Variants in EPHA3 observed in about 807,000 individuals in gnomAD.
EPHA3 encodes the protein EPH receptor A3, also known as ephrin type-A receptor 3.
A neutral mutation model predicts 107.1 loss-of-function variants in EPHA3; 42 were observed. The ratio of observed to expected loss-of-function variants is 0.39; its 90% CI spans 0.31 to 0.51. The LOEUF is 0.51. Among genes scored for constraint, EPHA3 ranks in the 20% least tolerant of loss-of-function variants. The pLI is 0.78. For synonymous variants in EPHA3, 461 were observed against 424.8 expected, an observed-to-expected ratio of 1.09 and a Z score of -1.05; for missense variants, 1,183 against 1,211.2, an observed-to-expected ratio of 0.98 and a Z score of 0.35.
At position 89,428,285 on chromosome 3, in the gene EPHA3, T is replaced by C. The variant is rs1161071154; in HGVS notation, c.2075-821T>C. The stretch of plus-strand genomic sequence containing the variant: ...GATGTATGATGACCAGCAAGTTAAT[T>C]AGCCTCTGTGTCTCAGTTTTCTCAT... On this transcript the variant is annotated intron_variant, in intron 11 of 16. Coordinates refer to ENST00000336596, the MANE Select transcript of EPHA3 (RefSeq NM_005233.6). 9.9e-5 allele frequency among the ~76,000 whole-genome samples: 15 copies of C among 152,048 alleles called. 1 individual carries two copies. Among genetic ancestry groups the C allele is most frequent in the Non-Finnish European group, 1.5e-5 (1 of 67,968 alleles).
At chr3:89,400,879 A>AAG (rs200976188) in intron 7 of EPHA3, among the ~76,000 whole-genome samples, 3,001 of 152,280 alleles carry the variant, frequency 0.02, 43 homozygotes, top group Non-Finnish European at 0.033. Context: ...GTAGCCTAGA[A>AAG]AGATGAGCAA....
intron 11 of EPHA3, among the ~76,000 whole-genome samples, chr3:89,420,868 T>TGAA (rs1709340588): frequency 6.6e-6 from 1 of 151,554 alleles, no homozygotes; most frequent in Non-Finnish European, 1.5e-5. Flanking sequence ...TTTTTCATTA[T>TGAA]GAAGTATCTG....
intron 2 of EPHA3, among the ~76,000 whole-genome samples, chr3:89,148,652 TA>T (rs2107036367): frequency 6.6e-6 from 1 of 152,064 alleles, no homozygotes; most frequent in Non-Finnish European, 1.5e-5. Flanking sequence ...TTCAGAATAA[TA>T]AAACAAAAAT....
chr3:89,306,858 G>A (rs1007983127), intron 3 of EPHA3, among the ~76,000 whole-genome samples: 15 of 152,098 alleles, frequency 9.9e-5, no homozygotes, highest in African/African-American at 2.9e-4. Context: ...TTGGTCCTTC[G>A]AATTGGATAT....
intron 11 of EPHA3, among the ~76,000 whole-genome samples, chr3:89,421,541 A>T (rs997094513): frequency 4.0e-5 from 6 of 151,276 alleles, no homozygotes; most frequent in African/African-American, 9.7e-5. Context: ...CTTCTTCAAC[A>T]TGTGTAATTA....
chr3:89,280,653 T>C (rs1479528049), intron 3 of EPHA3, among the ~76,000 whole-genome samples: 1 of 152,204 alleles, frequency 6.6e-6, no homozygotes, highest in African/African-American at 2.4e-5. Flanking sequence ...ATCTGCACTG[T>C]ATTTATGCAT....
intron 3 of EPHA3, among the ~76,000 whole-genome samples, chr3:89,269,606 T>C (rs1354074787): frequency 2.0e-5 from 3 of 151,336 alleles, no homozygotes; most frequent in Admixed American, 1.3e-4. Flanking sequence ...TTTTTTTCTT[T>C]CTTTTTTTTT....
chr3:89,377,305 A>G lies in EPHA3; in HGVS notation c.1307-18532A>G, dbSNP rs181577586. ...TTTATATTGAACACAAATGTTATGGAAGATTCATTTCATATGTACCCATTT... is the reference window on the plus strand; with the variant it reads ...TTTATATTGAACACAAATGTTATGGGAGATTCATTTCATATGTACCCATTT... On this transcript the variant is annotated intron_variant, in intron 5 of 16. Transcript: ENST00000336596. Among the ~76,000 whole-genome samples the G allele has an allele frequency of 2.6e-5, 4 of 152,232 alleles. No individual in the cohort carries two copies. The East Asian group carries it at 5.8e-4, about 22-fold the overall frequency.
At chr3:89,191,289 TA>T (rs1349088047) in intron 2 of EPHA3, among the ~76,000 whole-genome samples, 2 of 148,662 alleles carry the variant, frequency 1.3e-5, no homozygotes, top group East Asian at 2.0e-4. Flanking sequence ...TTTTTATTTT[TA>T]TTTTTTTAAT....
chr3:89,308,749 G>A (rs1415780080), intron 3 of EPHA3, among the ~76,000 whole-genome samples: 3 of 152,038 alleles, frequency 2.0e-5, no homozygotes, highest in African/African-American at 7.2e-5. Context: ...TTTTGAAATA[G>A]TGGAAAGGTT....
chr3:89,305,758 G>A (rs767465837), intron 3 of EPHA3, among the ~76,000 whole-genome samples: 3 of 152,010 alleles, frequency 2.0e-5, no homozygotes, highest in South Asian at 2.1e-4. Context: ...CCAGTCTCCC[G>A]ACTATGTGCG....
intron 2 of EPHA3, among the ~76,000 whole-genome samples, chr3:89,136,005 T>G (rs1188254387): frequency 1.3e-5 from 2 of 152,178 alleles, no homozygotes; most frequent in Non-Finnish European, 2.9e-5. Context: ...TTGGGAAGTT[T>G]GGGTTCTAAA....
intron 3 of EPHA3, among the ~76,000 whole-genome samples, chr3:89,333,825 T>G (rs1476567569): frequency 6.6e-6 from 1 of 151,660 alleles, no homozygotes; most frequent in African/African-American, 2.4e-5. Context: ...CAAGCCAAGA[T>G]CACGCTGCTA....
chr3:89,174,525 G>C (rs191604297), intron 2 of EPHA3, among the ~76,000 whole-genome samples: 73 of 151,928 alleles, frequency 4.8e-4, no homozygotes, highest in Non-Finnish European at 8.1e-4. Context: ...ATCACTTCAG[G>C]AAGTAAAATT....
chr3:89,256,671 G>T (rs77675695), intron 3 of EPHA3, among the ~76,000 whole-genome samples: 2,714 of 152,246 alleles, frequency 0.018, 78 homozygotes, highest in African/African-American at 0.059. Context: ...GAAGGCTAAA[G>T]GAATTTCTTG....
At chr3:89,195,196 C>T (rs1705809598) in intron 2 of EPHA3, among the ~76,000 whole-genome samples, 1 of 151,680 alleles carries the variant, frequency 6.6e-6, no homozygotes, top group African/African-American at 2.4e-5. Flanking sequence ...TAGATTCTAC[C>T]CATATTAAAC....
intron 3 of EPHA3, among the ~76,000 whole-genome samples, chr3:89,327,490 T>C (rs1315079581): frequency 2.6e-5 from 4 of 152,142 alleles, no homozygotes; most frequent in African/African-American, 9.7e-5. Flanking sequence ...AACCAAGACT[T>C]ACTCAGAAGG....
intron 3 of EPHA3, among the ~76,000 whole-genome samples, chr3:89,317,600 G>A (rs1706938934): frequency 2.0e-5 from 3 of 151,380 alleles, no homozygotes; most frequent in Non-Finnish European, 4.4e-5. Flanking sequence ...ATATATTGTA[G>A]GTAAAAAACA....
At chr3:89,406,431 A>G (rs1026293400) in intron 7 of EPHA3, among the ~76,000 whole-genome samples, 53 of 152,308 alleles carry the variant, frequency 3.5e-4, no homozygotes, top group African/African-American at 1.2e-3. Context: ...AGGCCAGATA[A>G]TAAATATTTT....
Sources: allele counts gnomAD v4.1 joint callset (sites outside exome capture counted in the v4.1 genomes callset), GRCh38; gene constraint gnomAD v4.1.1; transcripts MANE v1.5; gene names NCBI Gene and HGNC (gene_info 2026-07-23, HGNC 2026-07-21).